The following RGS12 variants were observed in gnomAD, a reference collection of about 807,000 sequenced individuals.
RGS12 encodes regulator of G protein signaling 12.
In RGS12, 66 loss-of-function variants were observed where a neutral mutation model predicts 120.1. The ratio of observed to expected loss-of-function variants is 0.55; its 90% CI spans 0.45 to 0.67. The LOEUF (loss-of-function observed/expected upper bound fraction) is 0.67. Among genes scored for constraint, RGS12 ranks in the 30% least tolerant of loss-of-function variants. The pLI is 0.00. For missense variants in RGS12, 1,859 were observed against 1,957.7 expected (o/e 0.95, Z 0.95); for synonymous variants, 827 against 804.7 (o/e 1.03, Z -0.47).
intron 4 of RGS12, among the ~76,000 whole-genome samples, chr4:3,388,240 C>T (rs138913052): frequency 0.13 from 2,580 of 19,682 alleles, 50 homozygotes; most frequent in South Asian, 0.27. Context: ...GAGGAGGAGA[C>T]GGGAGGGAGG....
At chr4:3,332,155 C>A (rs1021565116) in intron 2 of RGS12, among the ~76,000 whole-genome samples, 1 of 152,160 alleles carries the variant, frequency 6.6e-6, no homozygotes, top group African/African-American at 2.4e-5. Context: ...AGTGTGGCCC[C>A]TTCACTGTTG....
At position 3,368,432 on chromosome 4, in the gene RGS12, G is replaced by T. The variant is rs1716577879; in HGVS notation, c.1999-17984G>T. Among the ~76,000 whole-genome samples the T allele has an allele frequency of 3.8e-5, 4 of 105,174 alleles. 1 individual carries two copies. Among genetic ancestry groups the T allele is most frequent in the South Asian group, 3.9e-4 (1 of 2,560 alleles). The allele number at this position is 105,174 out of a possible 152,430, so 69.0% of individuals were successfully genotyped here. On this transcript the variant is annotated intron_variant, in intron 3 of 17. Coordinates refer to ENST00000336727, the MANE Select transcript of RGS12 (RefSeq NM_001394154.1). ...TGTGTGTGTGAGTGCCTGTGTGTGT[G>T]TGGGTGCCTGTGTGTGTGTGGGGTG...
intron 6 of RGS12, 28 bp downstream of exon 6, chr4:3,414,872 T>A: frequency 6.6e-7 from 1 of 1,521,352 alleles, no homozygotes; most frequent in Non-Finnish European, 9.1e-7. Flanking sequence ...AAGTGGGGGC[T>A]GTGTGAGAGT....
chr4:3,402,995 A>G (rs1311967203), intron 4 of RGS12, among the ~76,000 whole-genome samples: 2 of 152,178 alleles, frequency 1.3e-5, no homozygotes, highest in African/African-American at 4.8e-5. Flanking sequence ...CTAAGCCTAG[A>G]ATCCTAAAAA....
chr4:3,423,678 G>A (rs1723285670), intron 13 of RGS12, 37 bp downstream of exon 13: 1 of 1,585,210 alleles, frequency 6.3e-7, no homozygotes, highest in African/African-American at 1.3e-5. Flanking sequence ...CGTCACCGCA[G>A]GCACTGTCTG....
chr4:3,302,310 C>G (rs1264529862), intron 1 of RGS12, among the ~76,000 whole-genome samples: 1 of 145,236 alleles, frequency 6.9e-6, no homozygotes, highest in African/African-American at 2.5e-5. Context: ...AGGGCAGGCC[C>G]TGCTGGACTG....
chr4:3,343,565 G>T (rs980203428), intron 3 of RGS12, among the ~76,000 whole-genome samples: 3 of 152,090 alleles, frequency 2.0e-5, no homozygotes, highest in African/African-American at 2.4e-5. Context: ...CTGCATTGGT[G>T]TGGGTGTTTG....
At chr4:3,379,775 C>T (rs891453461) in intron 3 of RGS12, among the ~76,000 whole-genome samples, 3 of 152,136 alleles carry the variant, frequency 2.0e-5, no homozygotes, top group African/African-American at 4.8e-5. Flanking sequence ...GGGTAACTGC[C>T]CCCATGATTC....
chr4:3,295,786 G>A (rs766092175), intron 1 of RGS12, among the ~76,000 whole-genome samples: 3 of 152,024 alleles, frequency 2.0e-5, no homozygotes, highest in Admixed American at 6.6e-5. Flanking sequence ...AGGGCTTCAA[G>A]CACACAAAAT....
At chr4:3,290,827 G>C (rs938415852), upstream of RGS12, among the ~76,000 whole-genome samples, 9 of 152,214 alleles carry the variant, frequency 5.9e-5, no homozygotes, top group East Asian at 1.2e-3. Flanking sequence ...ATGGTTCTGT[G>C]TCTAGCCCCT....
intron 1 of RGS12, chr4:3,312,454 G>A (rs1201636369): frequency 2.3e-5 from 5 of 213,372 alleles, no homozygotes; most frequent in African/African-American, 9.2e-5. Context: ...AGGGTGTGAG[G>A]GTTGCGTTCC....
intron 3 of RGS12, among the ~76,000 whole-genome samples, chr4:3,360,201 G>T (rs563218319): frequency 1.4e-4 from 22 of 152,272 alleles, no homozygotes; most frequent in Non-Finnish European, 2.5e-4. Context: ...TGTGGAATTG[G>T]TAATAATGTC....
At chr4:3,323,857 G>T (rs1725369848) in intron 2 of RGS12, 1 of 69,140 alleles carries the variant, frequency 1.4e-5, no homozygotes, top group South Asian at 7.8e-4. Flanking sequence ...AGTAGTGTGT[G>T]TGTGTGTGTG....
chr4:3,309,970 T>C (rs1724264421), intron 1 of RGS12, among the ~76,000 whole-genome samples: 1 of 141,786 alleles, frequency 7.1e-6, no homozygotes, highest in Non-Finnish European at 1.5e-5. Context: ...GGGGAGGAGC[T>C]GGGACCCGGG....
At chr4:3,416,224 G>A in intron 7 of RGS12, 103 bp downstream of exon 7, 1 of 1,316,556 alleles carries the variant, frequency 7.6e-7, no homozygotes, top group Non-Finnish European at 1.0e-6. Flanking sequence ...AGTGGATCGA[G>A]AGCATCACAG....
intron 2 of RGS12, among the ~76,000 whole-genome samples, chr4:3,333,417 C>T (rs749728682): frequency 4.6e-5 from 7 of 152,336 alleles, no homozygotes; most frequent in Middle Eastern, 3.4e-3. Context: ...GGATTACAGG[C>T]GTGAGCCACT....
intron 5 of RGS12, 107 bp downstream of exon 5, chr4:3,414,348 A>G (rs2109103925): frequency 7.7e-7 from 1 of 1,293,654 alleles, no homozygotes. Flanking sequence ...GCGGGCCCTG[A>G]GCAGCCCCGT....
At chr4:3,379,387 C>T (rs1263859950) in intron 3 of RGS12, among the ~76,000 whole-genome samples, 1 of 151,994 alleles carries the variant, frequency 6.6e-6, no homozygotes, top group Non-Finnish European at 1.5e-5. Context: ...TCACCACACA[C>T]AAAAAAGGCA....
At chr4:3,371,067 A>G (rs1291764252) in intron 3 of RGS12, among the ~76,000 whole-genome samples, 1 of 152,222 alleles carries the variant, frequency 6.6e-6, no homozygotes, top group African/African-American at 2.4e-5. Context: ...ACAAACTACT[A>G]GTTTAGAGAT....
Sources: gnomAD v4.1 joint callset for allele counts (sites outside exome capture counted in the v4.1 genomes callset) on GRCh38, gnomAD v4.1.1 for gene constraint, MANE v1.5 for transcripts, NCBI Gene and HGNC (gene_info 2026-07-23, HGNC 2026-07-21) for gene names.